Variants in TRPM3 observed in about 807,000 individuals in gnomAD.
The protein encoded by TRPM3 is transient receptor potential cation channel subfamily M member 3, also known as long transient receptor potential channel 3.
TRPM3 carries 77 observed loss-of-function variants against 181.2 expected under a neutral mutation model. The observed-to-expected ratio is 0.42, with a 90% CI of 0.35 to 0.51. TRPM3 has a LOEUF of 0.51. Ranked by LOEUF, TRPM3 falls within the 20% of genes least tolerant of loss-of-function variation. The pLI is 0.01. For missense variants in TRPM3, 1,759 were observed against 2,196.7 expected (o/e 0.80, Z 3.98); for synonymous variants, 745 against 796.4 (o/e 0.94, Z 1.09).
chr9:71,327,644 G>C (rs1307851366), intron 1 of TRPM3, among the ~76,000 whole-genome samples: 1 of 152,128 alleles, frequency 6.6e-6, no homozygotes, highest in Non-Finnish European at 1.5e-5. Context: ...ACATAGTCTG[G>C]TTTTTAATTC....
chr9:70,846,346 A>G (rs2094952185), intron 4 of TRPM3, 32 bp downstream of exon 4: 4 of 1,584,698 alleles, frequency 2.5e-6, no homozygotes, highest in Non-Finnish European at 2.6e-6. Context: ...CCCATGGCCT[A>G]TGTTGACTTT....
In TRPM3 at chr9:71,250,577, T is replaced by C. The variant is rs1259444792; in HGVS notation, c.183+196076A>G. ...TACTGAGTATATATTTCTTATGCCT[T>C]GTTCAGGGAGACATTAATGAGCAAA... On this transcript the variant is annotated intron_variant, in intron 1 of 24. Transcript: ENST00000357533. Among the ~76,000 whole-genome samples the C allele has an allele frequency of 3.9e-5, 6 of 152,318 alleles. No homozygotes were observed. The East Asian group carries it at 1.2e-3, about 29-fold the overall frequency.
At chr9:71,225,989 T>C (rs1413434247) in intron 1 of TRPM3, among the ~76,000 whole-genome samples, 1 of 31,178 alleles carries the variant, frequency 3.2e-5, no homozygotes, top group Admixed American at 4.5e-4. Context: ...CAATAAGATA[T>C]GAATAGAAAC....
At chr9:70,841,330 T>G (rs2094609513) in intron 5 of TRPM3, among the ~76,000 whole-genome samples, 1 of 151,988 alleles carries the variant, frequency 6.6e-6, no homozygotes, top group African/African-American at 2.4e-5. Context: ...CAATAAGTTT[T>G]AATTAAGAGA....
chr9:71,273,153 G>A (rs1430725208), intron 1 of TRPM3, among the ~76,000 whole-genome samples: 2 of 152,106 alleles, frequency 1.3e-5, no homozygotes, highest in African/African-American at 2.4e-5. Context: ...TGGGATTTAT[G>A]AGCCCAGCCT....
intron 1 of TRPM3, among the ~76,000 whole-genome samples, chr9:71,201,180 T>A (rs2078766530): frequency 6.6e-6 from 1 of 151,874 alleles, no homozygotes; most frequent in African/African-American, 2.4e-5. Flanking sequence ...ATTCTTTTCT[T>A]TAAGAATGTT....
At chr9:71,044,549 A>G (rs1049833141) in intron 1 of TRPM3, among the ~76,000 whole-genome samples, 3 of 152,220 alleles carry the variant, frequency 2.0e-5, no homozygotes, top group Admixed American at 2.0e-4. Context: ...TTTTTATTGT[A>G]TCATTATGAA....
At chr9:71,159,105 T>TTAGAGAGAGAG (rs1554836762) in intron 1 of TRPM3, among the ~76,000 whole-genome samples, 14 of 144,082 alleles carry the variant, frequency 9.7e-5, no homozygotes, top group African/African-American at 3.1e-4. Flanking sequence ...TATATATATT[T>TTAGAGAGAGAG]AGAGAGAGAG....
intron 1 of TRPM3, among the ~76,000 whole-genome samples, chr9:71,156,085 C>G (rs1213281580): frequency 1.3e-5 from 2 of 152,060 alleles, no homozygotes; most frequent in Non-Finnish European, 2.9e-5. Flanking sequence ...AGCCATCACT[C>G]TAAATTAATC....
Position 70,530,884 on chromosome 9 carries a change from C to A in TRPM3, c.*5069G>T, listed in dbSNP as rs1467491050. On this transcript the variant is annotated 3_prime_UTR_variant, in exon 26 of 26. Transcript: ENST00000677713. ...TTTTCAAAACTGTGCAAATTGGCTC[C>A]TCTCTTTAACAGATGTTGAATGGCT... 6.6e-6 allele frequency: 1 copy of A among 152,136 alleles called. No homozygotes were observed. Among genetic ancestry groups the A allele is most frequent in the Non-Finnish European group, 1.5e-5 (1 of 68,028 alleles). The allele number at this position is 152,136 out of a possible 1,614,324, so 9.4% of individuals were successfully genotyped here. A position where few individuals can be genotyped will look rare whatever the true frequency, so the allele number is the denominator to read the frequency against.
chr9:71,001,643 T>A (rs1313037135), intron 1 of TRPM3, among the ~76,000 whole-genome samples: 2 of 152,050 alleles, frequency 1.3e-5, no homozygotes, highest in Admixed American at 6.5e-5. Flanking sequence ...AAACATTGAG[T>A]CCCTAGCCTT....
chr9:70,611,549 A>G (rs1001392756), intron 18 of TRPM3, among the ~76,000 whole-genome samples: 11 of 152,150 alleles, frequency 7.2e-5, no homozygotes, highest in Non-Finnish European at 1.3e-4. Context: ...GCCATGCAGA[A>G]CTGTGAGTCA....
intron 1 of TRPM3, among the ~76,000 whole-genome samples, chr9:71,050,093 GA>G (rs1812340938): frequency 6.6e-6 from 1 of 152,164 alleles, no homozygotes; most frequent in South Asian, 2.1e-4. Flanking sequence ...CCAGAAGACA[GA>G]AGGTGCTCAA....
intron 1 of TRPM3, among the ~76,000 whole-genome samples, chr9:71,272,014 A>T (rs1451441035): frequency 6.6e-6 from 1 of 152,212 alleles, no homozygotes; most frequent in East Asian, 1.9e-4. Context: ...AGTCTGAGAC[A>T]TAATTTTGGT....
chr9:70,921,774 T>C (rs1449039080), intron 1 of TRPM3, among the ~76,000 whole-genome samples: 3 of 152,264 alleles, frequency 2.0e-5, no homozygotes, highest in South Asian at 2.1e-4. Flanking sequence ...CGGATTGCTA[T>C]ATAGAGAGGC....
chr9:70,885,302 T>C (rs2096067604), intron 1 of TRPM3, among the ~76,000 whole-genome samples: 3 of 152,324 alleles, frequency 2.0e-5, no homozygotes, highest in Admixed American at 1.3e-4. Flanking sequence ...ATCTGTGGCC[T>C]GTATTCACTA....
At chr9:71,277,269 A>C (rs1458493407) in intron 1 of TRPM3, among the ~76,000 whole-genome samples, 1 of 152,220 alleles carries the variant, frequency 6.6e-6, no homozygotes, top group Non-Finnish European at 1.5e-5. Flanking sequence ...CACCACCCTC[A>C]CGTGCTCAAG....
intron 1 of TRPM3, chr9:70,917,353 G>A: frequency 1.9e-6 from 2 of 1,080,938 alleles, no homozygotes; most frequent in Non-Finnish European, 2.9e-6. Flanking sequence ...ATACTCCCAA[G>A]TCCAAGAGTG....
At chr9:70,954,951 G>C (rs2097050613) in intron 1 of TRPM3, among the ~76,000 whole-genome samples, 1 of 152,026 alleles carries the variant, frequency 6.6e-6, no homozygotes, top group African/African-American at 2.4e-5. Flanking sequence ...AGATGCCTAT[G>C]GAAGATTTTG....
Sources: gnomAD v4.1 joint callset for allele counts (sites outside exome capture counted in the v4.1 genomes callset) on GRCh38, gnomAD v4.1.1 for gene constraint, MANE v1.5 for transcripts, NCBI Gene and HGNC (gene_info 2026-07-23, HGNC 2026-07-21) for gene names.